VWA5B1: variants seen among roughly 807,000 people sequenced by gnomAD.
VWA5B1 encodes von Willebrand factor A domain containing 5B1, also known as von Willebrand factor A domain-containing protein 5B1.
VWA5B1 carries 115 observed loss-of-function variants against 118.2 expected under a neutral mutation model. The observed-to-expected ratio is 0.97, with a 90% confidence interval of 0.84 to 1.14. The LOEUF is 1.14. Among genes scored for constraint, VWA5B1 ranks in the 50% most tolerant of loss-of-function variants. The pLI, the probability that VWA5B1 is intolerant of heterozygous loss-of-function variation, is 0.00. For missense variants in VWA5B1, 1,596 were observed against 1,603.8 expected (o/e 1.00, Z 0.08); for synonymous variants, 682 against 658.4 (o/e 1.04, Z -0.55).
At chr1:20,297,886 C>T (rs2088434460) in intron 1 of VWA5B1, among the ~76,000 whole-genome samples, 1 of 151,300 alleles carries the variant, frequency 6.6e-6, no homozygotes. Context: ...GTATTTTGCT[C>T]CTATTCATAG....
chr1:20,349,546 G>A lies in VWA5B1; in HGVS notation c.2879-610G>A, dbSNP rs114084160. ...CTACAGGCACCTGCCACCATGCCCCGCTCATTTTATATTTTTAGTAGAGTT... is the reference window on the plus strand; with the variant it reads ...CTACAGGCACCTGCCACCATGCCCCACTCATTTTATATTTTTAGTAGAGTT... On this transcript the variant is annotated intron_variant, in intron 18 of 21. Transcript: ENST00000289815. Among the ~76,000 whole-genome samples the A allele has an allele frequency of 4.1e-3, 617 of 151,814 alleles. 4 individuals are homozygous for A. The highest frequency in any genetic ancestry group is 6.6e-3 in the Non-Finnish European group (448 of 67,938).
intron 9 of VWA5B1, among the ~76,000 whole-genome samples, chr1:20,329,809 A>G (rs2089493456): frequency 6.6e-6 from 1 of 152,202 alleles, no homozygotes; most frequent in African/African-American, 2.4e-5. Context: ...CTCTGGTCTC[A>G]GATCTTAAGA....
intron 8 of VWA5B1, among the ~76,000 whole-genome samples, chr1:20,324,573 G>A (rs1023073931): frequency 1.3e-5 from 2 of 152,104 alleles, no homozygotes; most frequent in Non-Finnish European, 2.9e-5. Context: ...TTATTGATCC[G>A]GGTAAAGGAT....
At chr1:20,293,064 G>A (rs912917100) in intron 1 of VWA5B1, among the ~76,000 whole-genome samples, 2 of 152,212 alleles carry the variant, frequency 1.3e-5, no homozygotes, top group African/African-American at 4.8e-5. Context: ...CGATTAGGCT[G>A]TTAGCAAAGT....
chr1:20,316,276 G>A (rs1413674934), intron 4 of VWA5B1, among the ~76,000 whole-genome samples: 2 of 152,170 alleles, frequency 1.3e-5, no homozygotes, highest in Admixed American at 6.5e-5. Context: ...TCTTTCACAA[G>A]TCCAAAGGGA....
At chr1:20,342,959 A>G in intron 15 of VWA5B1, 120 bp from the exon 16 acceptor site, 1 of 1,433,218 alleles carries the variant, frequency 7.0e-7, no homozygotes, top group Non-Finnish European at 9.2e-7. Context: ...TTCCCTGGGG[A>G]GATGGAGTGG....
intron 1 of VWA5B1, among the ~76,000 whole-genome samples, chr1:20,304,442 C>A (rs1299971973): frequency 3.3e-5 from 5 of 152,018 alleles, no homozygotes; most frequent in African/African-American, 1.2e-4. Context: ...GGCGGTGGCA[C>A]TGGAGAGAGA....
intron 1 of VWA5B1, among the ~76,000 whole-genome samples, chr1:20,292,682 A>G (rs1169245858): frequency 6.6e-6 from 1 of 152,034 alleles, no homozygotes; most frequent in East Asian, 1.9e-4. Flanking sequence ...GAGAATTGTG[A>G]GTTGAACTTG....
At chr1:20,293,263 C>T (rs2088345666) in intron 1 of VWA5B1, among the ~76,000 whole-genome samples, 1 of 146,112 alleles carries the variant, frequency 6.8e-6, no homozygotes, top group Admixed American at 6.9e-5. Context: ...CGGCTTTGCT[C>T]CAGGCTCTGC....
intron 12 of VWA5B1, among the ~76,000 whole-genome samples, chr1:20,334,302 G>A (rs6666063): frequency 0.25 from 38,062 of 152,030 alleles, 5,278 homozygotes; most frequent in East Asian, 0.39. Flanking sequence ...TGCACAGTCC[G>A]GGCCTTCCTG....
chr1:20,297,822 A>G (rs1423367703), intron 1 of VWA5B1, among the ~76,000 whole-genome samples: 1 of 152,016 alleles, frequency 6.6e-6, no homozygotes, highest in Non-Finnish European at 1.5e-5. Context: ...CTCTTGTGTT[A>G]TTTCCCCTCT....
intron 1 of VWA5B1, among the ~76,000 whole-genome samples, chr1:20,309,129 G>T (rs2088762630): frequency 6.6e-6 from 1 of 152,136 alleles, no homozygotes; most frequent in Non-Finnish European, 1.5e-5. Context: ...CCTTCATCCT[G>T]CAAGGATGAA....
In VWA5B1 at chr1:20,317,566, C is replaced by T; in HGVS notation, c.600C>T (p.Gly200=). 3 of 1,551,780 alleles carry T rather than the reference C, an allele frequency of 1.9e-6. No homozygotes were observed. The highest frequency in any genetic ancestry group is 2.7e-5 in the African/African-American group (2 of 73,172). ...DRHCFGAWAP[G]SWNKLCLATL... ...ACTGCTTCGGTGCCTGGGCCCCGGG[C>T]TCCTGGAATAAGTTGTGCCTGGCGA... The change falls in exon 5 of 22, where the codon GGC becomes GGT. Residue 200 remains glycine, a synonymous_variant. Transcript: ENST00000289815.
chr1:20,324,583 T>A (rs1190983132), intron 8 of VWA5B1, among the ~76,000 whole-genome samples: 3 of 152,170 alleles, frequency 2.0e-5, no homozygotes, highest in Admixed American at 1.3e-4. Context: ...GGGTAAAGGA[T>A]AACTGAGTTC....
chr1:20,314,735 T>C lies in VWA5B1; in HGVS notation c.563+143T>C. 3 of 1,410,034 alleles carry C rather than the reference T, an allele frequency of 2.1e-6. No individual in the cohort carries two copies. In the South Asian group the frequency reaches 4.5e-5, roughly 21 times the overall value. The allele number at this position is 1,410,034 out of a possible 1,614,324, so 87.3% of individuals were successfully genotyped here. On this transcript the variant is annotated intron_variant, in intron 4 of 21. Coordinates refer to ENST00000289815, the MANE Select transcript of VWA5B1 (RefSeq NM_001039500.3). ...CTACGATTGCCACCCTCTGAGCCATTTGCTTCTCCCCTGCTCACTTTTAGA... is the reference window on the plus strand; with the variant it reads ...CTACGATTGCCACCCTCTGAGCCATCTGCTTCTCCCCTGCTCACTTTTAGA...
chr1:20,297,174 A>G (rs371989205), intron 1 of VWA5B1, among the ~76,000 whole-genome samples: 5 of 152,220 alleles, frequency 3.3e-5, no homozygotes, highest in South Asian at 4.1e-4. Context: ...CATGGATTCT[A>G]TTCCTGGGAC....
rs1424939418 is a variant in VWA5B1 at position 20,355,352 on chromosome 1, AC to A, written c.*1090del. Among the ~76,000 whole-genome samples the A allele has an allele frequency of 3.9e-5, 6 of 152,144 alleles. No homozygotes were observed. Among genetic ancestry groups the A allele is most frequent in the Admixed American group, 3.9e-4 (6 of 15,286 alleles). ...CTAGGGGCTTCCTGCCCTCAAGCCC[AC>A]TGTGTGATGCCTACATGGGGAATGG... On this transcript the variant is annotated 3_prime_UTR_variant, in exon 22 of 22. Transcript: ENST00000289815.
chr1:20,305,549 A>C (rs1232500641), intron 1 of VWA5B1, among the ~76,000 whole-genome samples: 1 of 152,072 alleles, frequency 6.6e-6, no homozygotes, highest in Non-Finnish European at 1.5e-5. Flanking sequence ...GAAGAGTGAC[A>C]GTCTTGGAGC....
chr1:20,332,656 A>C, intron 11 of VWA5B1, 110 bp from the exon 12 acceptor site: 3 of 1,195,208 alleles, frequency 2.5e-6, no homozygotes, highest in Non-Finnish European at 3.5e-6. Flanking sequence ...CACAAGGCCT[A>C]CTGTCCCCTC....
Sources: allele counts gnomAD v4.1 joint callset (sites outside exome capture counted in the v4.1 genomes callset), GRCh38; gene constraint gnomAD v4.1.1; transcripts MANE v1.5; gene names NCBI Gene and HGNC (gene_info 2026-07-23, HGNC 2026-07-21).